ANKRD36C: variants seen among roughly 807,000 people sequenced by gnomAD.
ANKRD36C encodes the protein ankyrin repeat domain-containing protein 36C.
ANKRD36C carries 61 observed loss-of-function variants against 276.4 expected under a neutral mutation model. The ratio of observed to expected loss-of-function variants is 0.22; its 90% CI spans 0.18 to 0.27. ANKRD36C has a LOEUF of 0.27. ANKRD36C is among the 10% of genes least tolerant of loss of function. ANKRD36C has a pLI of 1.00. For missense variants in ANKRD36C, 1,447 were observed against 2,032.3 expected (o/e 0.71, Z 5.54); for synonymous variants, 483 against 680.1 (o/e 0.71, Z 4.51).
rs1256199629 is a variant in ANKRD36C, at chr2:95,915,988, G to T, written c.2441C>A (p.Ser814Tyr). The stretch of plus-strand genomic sequence containing the variant: ...GTGTTTTGCAAAATTACCTGTCCTA[G>T]ATATTTCTCCATCCTTTTTTTCTCT... Residue 814 changes from serine to tyrosine, a missense_variant, in exon 38 of 67, where the codon TCT becomes TAT. Coordinates refer to ENST00000456556, the Ensembl canonical transcript of ANKRD36C. 5 of 1,550,544 alleles carry T rather than the reference G, an allele frequency of 3.2e-6. No homozygotes were observed. In the South Asian group the frequency reaches 4.7e-5, roughly 15 times the overall value.
At chr2:95,977,990 T>C (rs1251510746) in intron 6 of ANKRD36C, 132 bp downstream of exon 6, 4 of 336,902 alleles carry the variant, frequency 1.2e-5, no homozygotes, top group Non-Finnish European at 1.7e-5. Flanking sequence ...AAATCTAGAC[T>C]ACTAAGTATT....
chr2:95,912,750 G>A (rs1360981244), intron 40 of ANKRD36C, among the ~76,000 whole-genome samples: 1 of 151,408 alleles, frequency 6.6e-6, no homozygotes, highest in Non-Finnish European at 1.5e-5. Context: ...AATCAGAGGA[G>A]CAACTCATAC....
chr2:95,944,354 A>G (rs199780485), intron 19 of ANKRD36C, among the ~76,000 whole-genome samples: 2 of 151,980 alleles, frequency 1.3e-5, no homozygotes, highest in South Asian at 2.1e-4. Context: ...TTACTCCCAC[A>G]ACCTTTTAGG....
At chr2:95,979,336 T>C (rs1573817168) in intron 5 of ANKRD36C, among the ~76,000 whole-genome samples, 1 of 152,140 alleles carries the variant, frequency 6.6e-6, no homozygotes, top group East Asian at 1.9e-4. Flanking sequence ...GTTCCAATTT[T>C]AGTATTTGTG....
At chr2:95,889,212 C>G (rs1025575638) in intron 48 of ANKRD36C, among the ~76,000 whole-genome samples, 3 of 151,420 alleles carry the variant, frequency 2.0e-5, no homozygotes, top group African/African-American at 7.3e-5. Context: ...CCTGAAGCAC[C>G]CAAAATCAAA....
At chr2:95,935,398 A>G (rs1223881632) in intron 24 of ANKRD36C, 56 bp downstream of exon 24, 1 of 1,428,004 alleles carries the variant, frequency 7.0e-7, no homozygotes, top group East Asian at 2.5e-5. Context: ...GGCTATGAAC[A>G]TTTCCAGTAT....
chr2:95,896,892 G>C (rs1558631752), intron 44 of ANKRD36C, among the ~76,000 whole-genome samples: 1 of 149,160 alleles, frequency 6.7e-6, no homozygotes, highest in East Asian at 2.0e-4. Context: ...GTTACAACAA[G>C]CTTTCTGTCT....
chr2:95,902,848 T>C, intron 42 of ANKRD36C, 38 bp downstream of exon 54: 2 of 1,515,920 alleles, frequency 1.3e-6, no homozygotes, highest in Admixed American at 2.0e-5. Flanking sequence ...CTTATCTATC[T>C]GGACTGAACA....
At chr2:95,925,742 T>C (rs1212978511) in intron 28 of ANKRD36C, among the ~76,000 whole-genome samples, 195 bp from the exon 29 acceptor site, 1 of 151,366 alleles carries the variant, frequency 6.6e-6, no homozygotes, top group African/African-American at 2.4e-5. Context: ...TTCCAGAAAA[T>C]ATACAGTCAG....
chr2:95,884,401 A>G (rs1676155346), intron 52 of ANKRD36C, 33 bp from the exon 73 acceptor site: 1 of 1,610,530 alleles, frequency 6.2e-7, no homozygotes, highest in East Asian at 2.2e-5. Flanking sequence ...AATCACCCAC[A>G]TGCACGTATG....
chr2:95,937,516 G>T (rs1259406835), intron 22 of ANKRD36C, among the ~76,000 whole-genome samples: 1 of 151,678 alleles, frequency 6.6e-6, no homozygotes, highest in Non-Finnish European at 1.5e-5. Flanking sequence ...ACACAGCGGT[G>T]AGGCATTATA....
At chr2:95,927,360 T>C (rs113130326) in intron 27 of ANKRD36C, 21 bp downstream of exon 27, 13 of 1,606,646 alleles carry the variant, frequency 8.1e-6, no homozygotes, top group Non-Finnish European at 1.1e-5. Flanking sequence ...TAGTTCAACA[T>C]ATAAATGAGT....
chr2:95,963,944 AATATATATATATAAATATATAT>A (rs1230379507), intron 6 of ANKRD36C, among the ~76,000 whole-genome samples: 20 of 82,704 alleles, frequency 2.4e-4, no homozygotes, highest in African/African-American at 8.3e-4. Flanking sequence ...TACATATATA[AATATATATATATAAATATATAT>A]ATATAAATAT....
intron 19 of ANKRD36C, among the ~76,000 whole-genome samples, chr2:95,943,483 CAAA>C (rs199616343): frequency 7.6e-6 from 1 of 132,264 alleles, no homozygotes. Flanking sequence ...GACTCCGTCT[CAAA>C]AAAAAAAAAA....
At chr2:95,909,729 G>A (rs368081753) in intron 42 of ANKRD36C, among the ~76,000 whole-genome samples, 6 of 150,814 alleles carry the variant, frequency 4.0e-5, no homozygotes, top group African/African-American at 1.5e-4. Context: ...GGAGTAATGA[G>A]TCAGTGTGTT....
At chr2:95,986,682 C>G (rs1185500688) in intron 3 of ANKRD36C, 69 bp downstream of exon 3, 4 of 1,296,648 alleles carry the variant, frequency 3.1e-6, no homozygotes, top group South Asian at 1.6e-5. Context: ...AAAAATTGAC[C>G]CTTACATGTG....
chr2:95,915,400 A>G (rs899896036), intron 38 of ANKRD36C, among the ~76,000 whole-genome samples: 2 of 151,550 alleles, frequency 1.3e-5, no homozygotes, highest in Non-Finnish European at 3.0e-5. Flanking sequence ...GGAGCTGCCA[A>G]AATCAAATAT....
chr2:95,868,272 A>G (rs1675724368), intron 59 of ANKRD36C, among the ~76,000 whole-genome samples: 1 of 150,684 alleles, frequency 6.6e-6, no homozygotes. Context: ...TTGTAACAAC[A>G]GAAACACCAT....
intron 6 of ANKRD36C, among the ~76,000 whole-genome samples, chr2:95,974,183 TA>T: frequency 6.6e-6 from 1 of 152,378 alleles, no homozygotes; most frequent in Admixed American, 6.5e-5. Context: ...TGTTTTACAT[TA>T]AAACTATGTC....
Sources: gnomAD v4.1 joint callset for allele counts (sites outside exome capture counted in the v4.1 genomes callset) on GRCh38, gnomAD v4.1.1 for gene constraint, MANE v1.5 for transcripts, NCBI Gene and HGNC (gene_info 2026-07-23, HGNC 2026-07-21) for gene names.